NFIB: variants seen among roughly 807,000 people sequenced by gnomAD.
NFIB encodes the protein nuclear factor I B, also known as nuclear factor 1 B-type.
In NFIB, 11 loss-of-function variants were observed where a neutral mutation model predicts 61.5. The observed-to-expected ratio is 0.18, with a 90% CI of 0.11 to 0.30. NFIB has a LOEUF of 0.30. Among genes scored for constraint, NFIB ranks in the 10% least tolerant of loss-of-function variants. NFIB has a pLI of 1.00. For synonymous variants in NFIB, 260 were observed against 216.5 expected (o/e 1.20, Z -1.76); for missense variants, 471 against 608.9 (o/e 0.77, Z 2.38).
At chr9:14,136,026 A>C (rs2041003496) in intron 6 of NFIB, among the ~76,000 whole-genome samples, 1 of 152,156 alleles carries the variant, frequency 6.6e-6, no homozygotes, top group Non-Finnish European at 1.5e-5. Flanking sequence ...CTTCGCTATA[A>C]AAAAGGTCTC....
At chr9:14,525,736 T>C in the NFIB span, among the ~76,000 whole-genome samples, 1 of 152,186 alleles carries the variant, frequency 6.6e-6, no homozygotes, top group Admixed American at 6.5e-5. Flanking sequence ...ATTTTTATGA[T>C]TCATTTAATG....
the NFIB span, among the ~76,000 whole-genome samples, chr9:14,425,707 G>A: frequency 6.8e-6 from 1 of 146,386 alleles, no homozygotes; most frequent in Non-Finnish European, 1.5e-5. Flanking sequence ...GATTGCCACA[G>A]CAAACCCAGA....
chr9:14,194,892 C>T (rs59163366), intron 2 of NFIB, among the ~76,000 whole-genome samples: 4,343 of 152,076 alleles, frequency 0.029, 200 homozygotes, highest in African/African-American at 0.097. Flanking sequence ...ACTGAGATAA[C>T]GTATTAGGAA....
At chr9:14,257,508 C>G (rs897207652) in intron 2 of NFIB, among the ~76,000 whole-genome samples, 1 of 152,162 alleles carries the variant, frequency 6.6e-6, no homozygotes, top group African/African-American at 2.4e-5. Flanking sequence ...GTAATGCCAG[C>G]ACTTTGGGAG....
At chr9:14,432,742 C>A in the NFIB span, among the ~76,000 whole-genome samples, 1 of 152,092 alleles carries the variant, frequency 6.6e-6, no homozygotes, top group African/African-American at 2.4e-5. Context: ...GAGGAGACCT[C>A]AGAGTAGAAA....
intron 10 of NFIB, among the ~76,000 whole-genome samples, chr9:14,106,936 G>C (rs1170531301): frequency 6.6e-6 from 1 of 152,006 alleles, no homozygotes; most frequent in African/African-American, 2.4e-5. Flanking sequence ...ATTAAACTGT[G>C]AACAGAACAA....
At chr9:14,359,566 A>G (rs974214830) in intron 1 of NFIB, among the ~76,000 whole-genome samples, 1 of 152,202 alleles carries the variant, frequency 6.6e-6, no homozygotes, top group Non-Finnish European at 1.5e-5. Flanking sequence ...AGTGGCCTCC[A>G]TAAATGTGAG....
chr9:14,465,572 T>TACACACACACACAC, the NFIB span, among the ~76,000 whole-genome samples: 246 of 146,304 alleles, frequency 1.7e-3, no homozygotes, highest in African/African-American at 5.2e-3. Flanking sequence ...AATGACTTGT[T>TACACACACACACAC]ACACACACAC....
At chr9:14,114,538 T>C (rs1357727097) in intron 9 of NFIB, among the ~76,000 whole-genome samples, 1 of 152,238 alleles carries the variant, frequency 6.6e-6, no homozygotes, top group Admixed American at 6.5e-5. Context: ...GTTTCTTTTA[T>C]GTAGGAGTGG....
the NFIB span, among the ~76,000 whole-genome samples, chr9:14,421,870 T>C: frequency 6.6e-6 from 1 of 152,218 alleles, no homozygotes; most frequent in Non-Finnish European, 1.5e-5. Context: ...GAAATTTTAA[T>C]AGATATTCAG....
intron 2 of NFIB, among the ~76,000 whole-genome samples, chr9:14,246,997 ATATC>A (rs1166103963): frequency 1.3e-5 from 2 of 148,510 alleles, no homozygotes; most frequent in African/African-American, 2.5e-5. Flanking sequence ...TTCTTTCACT[ATATC>A]TCTCTCTCTC....
chr9:14,436,763 T>C, the NFIB span, among the ~76,000 whole-genome samples: 1 of 152,214 alleles, frequency 6.6e-6, no homozygotes, highest in African/African-American at 2.4e-5. Context: ...CACTAATTTA[T>C]TCATGACTCA....
At chr9:14,385,453 T>G (rs1353511291) in intron 1 of NFIB, among the ~76,000 whole-genome samples, 1 of 152,214 alleles carries the variant, frequency 6.6e-6, no homozygotes, top group Non-Finnish European at 1.5e-5. Context: ...ATTTGTAAAA[T>G]TATCTCTGCA....
At chr9:14,111,110 CTTT>C (rs1265975271) in intron 10 of NFIB, among the ~76,000 whole-genome samples, 1 of 151,972 alleles carries the variant, frequency 6.6e-6, no homozygotes, top group Non-Finnish European at 1.5e-5. Flanking sequence ...TGGCTGTCTT[CTTT>C]GATTTTAAAA....
intron 2 of NFIB, among the ~76,000 whole-genome samples, chr9:14,261,469 G>T (rs543533860): frequency 6.6e-6 from 1 of 152,248 alleles, no homozygotes; most frequent in African/African-American, 2.4e-5. Context: ...TCCATTGTAG[G>T]GGCCAAGGGA....
the NFIB span, among the ~76,000 whole-genome samples, chr9:14,405,495 G>A: frequency 5.3e-5 from 8 of 152,170 alleles, no homozygotes; most frequent in African/African-American, 1.9e-4. Flanking sequence ...TATGTTATGC[G>A]GTGGCAAAAC....
At chr9:14,263,256 A>G (rs1461816425) in intron 2 of NFIB, among the ~76,000 whole-genome samples, 1 of 147,776 alleles carries the variant, frequency 6.8e-6, no homozygotes, top group African/African-American at 2.5e-5. Flanking sequence ...GGATGTTTCA[A>G]TGGCATTTGA....
chr9:14,225,958 G>C (rs973652202), intron 2 of NFIB, among the ~76,000 whole-genome samples: 4 of 152,104 alleles, frequency 2.6e-5, no homozygotes, highest in Non-Finnish European at 5.9e-5. Context: ...ATATGATTTA[G>C]AACAGTGATC....
At chr9:14,088,547 G>A (rs1340217437) in intron 10 of NFIB, among the ~76,000 whole-genome samples, 1 of 152,020 alleles carries the variant, frequency 6.6e-6, no homozygotes, top group Non-Finnish European at 1.5e-5. Context: ...AGACTAAAGT[G>A]AGGCAGAAAA....
Sources: allele counts gnomAD v4.1 joint callset (sites outside exome capture counted in the v4.1 genomes callset), GRCh38; gene constraint gnomAD v4.1.1; transcripts MANE v1.5; gene names NCBI Gene and HGNC (gene_info 2026-07-23, HGNC 2026-07-21).